Variants in CLIC5 observed in about 807,000 individuals in gnomAD.
CLIC5 encodes CLIC family member 5.
In CLIC5, 20 loss-of-function variants were observed where a neutral mutation model predicts 24.7. The ratio of observed to expected loss-of-function variants is 0.81; its 90% CI spans 0.57 to 1.18. CLIC5 has a LOEUF of 1.18. Among genes scored for constraint, CLIC5 ranks in the 50% most tolerant of loss-of-function variants. The pLI is 0.00. For missense variants in CLIC5, 341 were observed against 326.1 expected (o/e 1.05, Z -0.35); for synonymous variants, 159 against 135.6 (o/e 1.17, Z -1.20).
intron 5 of CLIC5, chr6:45,912,831 A>G (rs1448558752): frequency 3.3e-6 from 3 of 896,876 alleles, no homozygotes; most frequent in Non-Finnish European, 5.3e-6. Context: ...ACAAGTGACT[A>G]TTGGCTTGGC....
chr6:46,008,614 T>G (rs1766686360), intron 1 of CLIC5, among the ~76,000 whole-genome samples: 1 of 151,808 alleles, frequency 6.6e-6, no homozygotes, highest in Admixed American at 6.5e-5. Flanking sequence ...TTTCATATAT[T>G]GATTGATTGA....
chr6:45,912,191 G>T, intron 5 of CLIC5: 1 of 986,556 alleles, frequency 1.0e-6, no homozygotes, highest in Non-Finnish European at 1.2e-6. Flanking sequence ...CTTCCCCTTC[G>T]CTCTTTGTGA....
intron 4 of CLIC5, 165 bp from the exon 5 acceptor site, chr6:45,914,574 G>A: frequency 8.1e-7 from 1 of 1,231,886 alleles, no homozygotes; most frequent in Non-Finnish European, 1.0e-6. Flanking sequence ...CAATGCAGTA[G>A]AAGTGTACTA....
chr6:46,054,133 T>C (rs1167802897), intron 1 of CLIC5, among the ~76,000 whole-genome samples: 1 of 152,172 alleles, frequency 6.6e-6, no homozygotes, highest in African/African-American at 2.4e-5. Context: ...CCCAGACTTG[T>C]GTGTTCCTTC....
At chr6:45,881,699 A>G (rs192071245) in intron 6 of CLIC5, among the ~76,000 whole-genome samples, 8 of 152,240 alleles carry the variant, frequency 5.3e-5, no homozygotes, top group Non-Finnish European at 8.8e-5. Context: ...TTTCAGATTC[A>G]TTTGCACTTA....
chr6:45,980,674 G>A (rs1255725715), intron 1 of CLIC5, among the ~76,000 whole-genome samples: 1 of 151,458 alleles, frequency 6.6e-6, no homozygotes, highest in African/African-American at 2.4e-5. Context: ...AGAGCATGCT[G>A]CAAAATGTAT....
chr6:46,010,120 G>A (rs1356187399), intron 1 of CLIC5, among the ~76,000 whole-genome samples: 3 of 152,144 alleles, frequency 2.0e-5, no homozygotes, highest in East Asian at 1.9e-4. Context: ...CCTGAATGAC[G>A]ACCTGCTTTG....
upstream of CLIC5, among the ~76,000 whole-genome samples, chr6:46,084,588 G>A (rs1039326664): frequency 4.6e-5 from 7 of 152,188 alleles, no homozygotes; most frequent in African/African-American, 1.7e-4. Flanking sequence ...CTTTAAGAAT[G>A]TTGAATATTG....
chr6:46,128,294 C>T, the CLIC5 span, among the ~76,000 whole-genome samples: 2 of 152,188 alleles, frequency 1.3e-5, no homozygotes, highest in Non-Finnish European at 2.9e-5. Flanking sequence ...GATGCCCATC[C>T]AGCTGCTATC....
chr6:46,125,442 G>C, the CLIC5 span, among the ~76,000 whole-genome samples: 1 of 152,130 alleles, frequency 6.6e-6, no homozygotes, highest in African/African-American at 2.4e-5. Context: ...GGGAGGAGAG[G>C]GGAGGGATAG....
chr6:45,908,859 T>C (rs2127300143), intron 5 of CLIC5, among the ~76,000 whole-genome samples: 1 of 152,326 alleles, frequency 6.6e-6, no homozygotes, highest in South Asian at 2.1e-4. Context: ...TGTCTAACGT[T>C]GTTAGTGAGT....
chr6:46,061,167 A>G lies in CLIC5; in HGVS notation c.540+18536T>C, dbSNP rs181744050. On this transcript the variant is annotated intron_variant, in intron 1 of 5. Transcript: ENST00000185206. ...AATTGCTTAACCATCACCTTTATAG[A>G]TTTTTGTTTTTGTTTTTGTTTGTTT... is the stretch of plus-strand genomic sequence containing the variant. Among the ~76,000 whole-genome samples, 25 of 151,734 alleles carry G rather than the reference A, an allele frequency of 1.6e-4. No homozygotes were observed. The East Asian group carries it at 4.3e-3, about 26-fold the overall frequency.
chr6:45,922,218 G>A lies in CLIC5; in HGVS notation c.407-7809C>T, dbSNP rs184748550. ...AAGCTCCTATAGTTCTTTCCAGTAA[G>A]AAGCCAGTAAATGATTCTTTATTTG... On this transcript the variant is annotated intron_variant, in intron 4 of 5. Coordinates refer to ENST00000339561, the MANE Select transcript of CLIC5 (RefSeq NM_016929.5). 9.8e-4 allele frequency among the ~76,000 whole-genome samples: 150 copies of A among 152,308 alleles called. 1 individual carries two copies. The highest frequency in any genetic ancestry group is 3.5e-3 in the African/African-American group (145 of 41,566).
At chr6:46,034,730 G>A (rs1767614227) in intron 1 of CLIC5, among the ~76,000 whole-genome samples, 1 of 152,176 alleles carries the variant, frequency 6.6e-6, no homozygotes, top group Admixed American at 6.5e-5. Context: ...ACACAGACTG[G>A]CAACATCCCA....
At chr6:45,967,163 C>T (rs1043817019) in intron 1 of CLIC5, among the ~76,000 whole-genome samples, 1 of 152,210 alleles carries the variant, frequency 6.6e-6, no homozygotes, top group African/African-American at 2.4e-5. Flanking sequence ...GGAGTACCAG[C>T]AAGCTGTATC....
At chr6:45,981,232 G>T (rs920560335) in intron 1 of CLIC5, among the ~76,000 whole-genome samples, 1 of 151,926 alleles carries the variant, frequency 6.6e-6, no homozygotes, top group African/African-American at 2.4e-5. Context: ...GCCTCCCAAA[G>T]TGTTGGAATT....
intron 1 of CLIC5, among the ~76,000 whole-genome samples, chr6:45,959,827 C>T (rs1288440172): frequency 6.6e-6 from 1 of 152,192 alleles, no homozygotes; most frequent in Admixed American, 6.5e-5. Flanking sequence ...CCCATTTCAT[C>T]AACCAGAATG....
At chr6:46,034,933 C>G (rs1213594858) in intron 1 of CLIC5, among the ~76,000 whole-genome samples, 1 of 152,166 alleles carries the variant, frequency 6.6e-6, no homozygotes, top group African/African-American at 2.4e-5. Flanking sequence ...GGGCAAGTCA[C>G]TTCTCCAATT....
At chr6:45,918,285 C>T (rs762836877) in intron 4 of CLIC5, among the ~76,000 whole-genome samples, 1 of 152,136 alleles carries the variant, frequency 6.6e-6, no homozygotes, top group Non-Finnish European at 1.5e-5. Flanking sequence ...ATTGTTTTCT[C>T]GTCGTAGAGA....
Sources: gnomAD v4.1 joint callset for allele counts (sites outside exome capture counted in the v4.1 genomes callset) on GRCh38, gnomAD v4.1.1 for gene constraint, MANE v1.5 for transcripts, NCBI Gene and HGNC (gene_info 2026-07-23, HGNC 2026-07-21) for gene names.